Variants in CHD7 observed in about 807,000 individuals in gnomAD.
CHD7 encodes the protein chromodomain helicase DNA binding protein 7, also known as ATP-dependent chromatin remodeler CHD7.
Under a neutral mutation model 307.3 loss-of-function variants are expected in CHD7, and 24 were observed. That is an observed-to-expected ratio of 0.08 (90% CI 0.06 to 0.11). The LOEUF (loss-of-function observed/expected upper bound fraction) is 0.11. Ranked by LOEUF, CHD7 falls within the 10% of genes least tolerant of loss-of-function variation. The pLI is 1.00. For synonymous variants in CHD7, 1,363 were observed against 1,349.9 expected (o/e 1.01, Z -0.21); for missense variants, 3,106 against 3,727.1 (o/e 0.83, Z 4.34).
chr8:60,728,384 A>G (rs957202837), intron 1 of CHD7, among the ~76,000 whole-genome samples: 1 of 152,204 alleles, frequency 6.6e-6, no homozygotes, highest in Non-Finnish European at 1.5e-5. Context: ...GAGCCTATAC[A>G]ATCATTGACT....
chr8:60,816,113 G>GTCTCTCTCTCTCTCTCTCTCTC (rs201056061), intron 7 of CHD7, among the ~76,000 whole-genome samples: 5 of 139,236 alleles, frequency 3.6e-5, no homozygotes, highest in Non-Finnish European at 6.1e-5. Context: ...CTGTCTGTCT[G>GTCTCTCTCTCTCTCTCTCTCTC]TCTCTCTCTC....
chr8:60,802,983 G>A (rs1214556174), intron 6 of CHD7, among the ~76,000 whole-genome samples: 2 of 152,162 alleles, frequency 1.3e-5, no homozygotes, highest in Admixed American at 6.5e-5. Flanking sequence ...TAGGGGATAC[G>A]GGGTATGGAG....
chr8:60,754,679 T>A (rs546037891), intron 2 of CHD7, among the ~76,000 whole-genome samples: 10 of 152,332 alleles, frequency 6.6e-5, no homozygotes, highest in African/African-American at 1.9e-4. Context: ...CTAGGAAATA[T>A]TACTGTATAT....
Position 60,865,352 on chromosome 8 carries a change from G to A in CHD7, c.8413G>A (p.Gly2805Ser), listed in dbSNP as rs759567393. The A allele has an allele frequency of 8.1e-6, 13 of 1,611,252 alleles. No individual in the cohort carries two copies. Among genetic ancestry groups the A allele is most frequent in the Non-Finnish European group, 1.1e-5 (13 of 1,179,106 alleles). Reference protein sequence around the residue: ...VLPLMLPGMAGLPNVFGLGGL... With the variant: ...VLPLMLPGMASLPNVFGLGGL... ...GCCCCTGATGCTGCCAGGAATGGCG[G>A]GCCTGCCCAACGTGTTTGGCTTGGG... The change falls in exon 38 of 38, where the codon GGC (glycine) becomes AGC (serine). Residue 2805 changes from glycine (G) to serine (S), a missense_variant. This residue lies in a region of CHD7 where 351 missense variants were observed against 366.2 expected (regional missense o/e 0.96). Coordinates refer to ENST00000423902, the MANE Select transcript of CHD7 (RefSeq NM_017780.4). This position sits in a 1 kb window ranked among gnomAD's most constrained non-coding sequence, Gnocchi z 4.3.
At chr8:60,792,839 G>A (rs1356659747) in intron 3 of CHD7, among the ~76,000 whole-genome samples, 1 of 152,182 alleles carries the variant, frequency 6.6e-6, no homozygotes, top group Non-Finnish European at 1.5e-5. Flanking sequence ...ACTTTACCTG[G>A]CAGTGGTTCA....
At chr8:60,845,188 T>A (rs904665420) in intron 22 of CHD7, 62 bp from the exon 23 acceptor site, 1 of 1,574,486 alleles carries the variant, frequency 6.4e-7, no homozygotes, top group African/African-American at 1.4e-5. Flanking sequence ...TTAAGCTCTC[T>A]GCCATTGACA....
chr8:60,734,645 G>A (rs752766101), intron 1 of CHD7, among the ~76,000 whole-genome samples: 3 of 152,176 alleles, frequency 2.0e-5, no homozygotes, highest in African/African-American at 4.8e-5. Flanking sequence ...GGCGAGGAAG[G>A]TATGAGATAG....
At chr8:60,694,742 T>G (rs917893408) in intron 1 of CHD7, among the ~76,000 whole-genome samples, 26 of 152,222 alleles carry the variant, frequency 1.7e-4, no homozygotes, top group African/African-American at 6.3e-4. Context: ...CACCTCAACC[T>G]TCAATTCAAG....
rs1313386718 is a variant in CHD7 at position 60,867,386 on chromosome 8, A to G, written c.*1453A>G. 6.6e-6 allele frequency: 1 copy of G among 152,264 alleles called. No individual in the cohort carries two copies. The highest frequency in any genetic ancestry group is 1.5e-5 in the Non-Finnish European group (1 of 68,056). The allele number at this position is 152,264 out of a possible 1,614,324, so 9.4% of individuals were successfully genotyped here. On this transcript the variant is annotated 3_prime_UTR_variant, in exon 38 of 38. Transcript: ENST00000423902. Reference sequence around the variant, plus strand: ...CGATGCCAGAAACCAGTGTGTGGAAAAACCCATGTGGAATTGAAACAGACC... The same window carrying G: ...CGATGCCAGAAACCAGTGTGTGGAAGAACCCATGTGGAATTGAAACAGACC...
In CHD7 at chr8:60,865,243, G is replaced by C. The variant is rs768238208; in HGVS notation, c.8304G>C (p.Gln2768His). The C allele has an allele frequency of 6.2e-7, 1 of 1,607,778 alleles. No homozygotes were observed. Among genetic ancestry groups the C allele is most frequent in the Non-Finnish European group, 8.5e-7 (1 of 1,177,164 alleles). The change falls in exon 38 of 38, where the codon CAG (glutamine) becomes CAC (histidine). Residue 2768 changes from glutamine to histidine, a missense_variant. Transcript: ENST00000423902. The surrounding 1 kb of genome is among the most constrained non-coding windows in gnomAD (Gnocchi z 4.3). The stretch of plus-strand genomic sequence containing the variant: ...ATCTCCAGAATCTCCAGTCGCTCCA[G>C]CTGGCAGGCCTCATGGGCTTCCCTC... Reference protein sequence around the residue: ...LQNLQNLQSLQLAGLMGFPPG... With the variant: ...LQNLQNLQSLHLAGLMGFPPG...
At chr8:60,718,764 C>G (rs1000514645) in intron 1 of CHD7, among the ~76,000 whole-genome samples, 10 of 148,284 alleles carry the variant, frequency 6.7e-5, no homozygotes, top group Admixed American at 6.6e-4. Context: ...CAGTAACATC[C>G]TAGGCCTTCA....
At chr8:60,756,443 C>T (rs1416713752) in intron 2 of CHD7, among the ~76,000 whole-genome samples, 1 of 152,162 alleles carries the variant, frequency 6.6e-6, no homozygotes, top group Non-Finnish European at 1.5e-5. Flanking sequence ...GCAAGTATAG[C>T]ATCTTGTTTT....
At chr8:60,816,329 C>T in intron 7 of CHD7, 58 bp from the exon 8 acceptor site, 1 of 952,122 alleles carries the variant, frequency 1.1e-6, no homozygotes. Context: ...TTGAATAAGA[C>T]ATAATAAAGG....
chr8:60,829,462 G>A (rs765181631), intron 14 of CHD7, among the ~76,000 whole-genome samples: 39 of 152,258 alleles, frequency 2.6e-4, no homozygotes, highest in African/African-American at 8.4e-4. Context: ...TTAGCCGGGC[G>A]TGGTGGAACA....
chr8:60,703,183 C>T (rs572700161), intron 1 of CHD7, among the ~76,000 whole-genome samples: 7 of 152,284 alleles, frequency 4.6e-5, no homozygotes, highest in African/African-American at 1.7e-4. Flanking sequence ...AAATACACAT[C>T]TTAACTATTT....
intron 2 of CHD7, among the ~76,000 whole-genome samples, chr8:60,776,222 A>C (rs1810944464): frequency 6.6e-6 from 1 of 152,228 alleles, no homozygotes; most frequent in Non-Finnish European, 1.5e-5. Flanking sequence ...GCTGAATAAA[A>C]CTAACTGGCA....
intron 5 of CHD7, 59 bp downstream of exon 5, chr8:60,800,584 T>G: frequency 3.6e-6 from 4 of 1,120,160 alleles, no homozygotes; most frequent in Non-Finnish European, 5.0e-6. Context: ...AGAAATTTCA[T>G]TGCTGCAATC....
chr8:60,858,324 TTGA>T (rs1418255607), intron 34 of CHD7, among the ~76,000 whole-genome samples: 1 of 152,334 alleles, frequency 6.6e-6, no homozygotes, highest in East Asian at 1.9e-4. Flanking sequence ...GTCATATTTG[TTGA>T]TGGTATGATT....
chr8:60,692,057 A>T (rs1356782894), intron 1 of CHD7, among the ~76,000 whole-genome samples: 1 of 152,234 alleles, frequency 6.6e-6, no homozygotes, highest in Non-Finnish European at 1.5e-5. Flanking sequence ...CAATGTGGTT[A>T]GACCAATATG....
Sources: gnomAD v4.1 joint callset for allele counts (sites outside exome capture counted in the v4.1 genomes callset) on GRCh38, gnomAD v4.1.1 for gene constraint, gnomAD v4.1.1 regional missense constraint, Gnocchi (gnomAD v3.1) non-coding constraint, MANE v1.5 for transcripts, NCBI Gene and HGNC (gene_info 2026-07-23, HGNC 2026-07-21) for gene names.